Variants in CNTNAP2 observed in about 807,000 individuals in gnomAD.
The protein encoded by CNTNAP2 is contactin-associated protein-like 2.
In CNTNAP2, 98 loss-of-function variants were observed where a neutral mutation model predicts 155.2. The observed-to-expected ratio is 0.63, with a 90% CI of 0.54 to 0.75. The LOEUF is 0.75. Among genes scored for constraint, CNTNAP2 ranks in the 30% least tolerant of loss-of-function variants. The probability of loss-of-function intolerance (pLI) is 0.00; values close to 1 mark genes in which losing one functional copy is unlikely to be tolerated. For synonymous variants in CNTNAP2, 651 were observed against 631.2 expected (o/e 1.03, Z -0.47); for missense variants, 1,727 against 1,688.1 (o/e 1.02, Z -0.40).
chr7:147,144,118 T>G (rs1801652821), intron 8 of CNTNAP2, among the ~76,000 whole-genome samples: 1 of 152,172 alleles, frequency 6.6e-6, no homozygotes, highest in South Asian at 2.1e-4. Context: ...AGACTGTCCC[T>G]TTATTGTGGG....
chr7:146,487,194 G>T (rs943797460), intron 1 of CNTNAP2, among the ~76,000 whole-genome samples: 3 of 152,138 alleles, frequency 2.0e-5, no homozygotes, highest in African/African-American at 7.2e-5. Context: ...GATTATGATA[G>T]ACTAGAATGC....
chr7:148,285,896 G>T (rs1476035440), intron 21 of CNTNAP2, among the ~76,000 whole-genome samples: 2 of 152,174 alleles, frequency 1.3e-5, no homozygotes, highest in Non-Finnish European at 2.9e-5. Flanking sequence ...GAAACTTACT[G>T]CCAATAGCTT....
At chr7:148,382,596 G>A (rs970375434) in intron 21 of CNTNAP2, among the ~76,000 whole-genome samples, 1 of 152,180 alleles carries the variant, frequency 6.6e-6, no homozygotes, top group Admixed American at 6.5e-5. Context: ...GAGAGATGCT[G>A]GAGAAGAACA....
At chr7:146,732,019 A>G (rs1801534823) in intron 1 of CNTNAP2, among the ~76,000 whole-genome samples, 1 of 152,168 alleles carries the variant, frequency 6.6e-6, no homozygotes, top group Admixed American at 6.5e-5. Flanking sequence ...AATTATTCCC[A>G]GCGAGTACCT....
chr7:146,204,086 GC>G, intron 1 of CNTNAP2, among the ~76,000 whole-genome samples: 3 of 151,902 alleles, frequency 2.0e-5, no homozygotes, highest in Non-Finnish European at 4.4e-5. Flanking sequence ...CTTCCTTTCA[GC>G]TAAATAAAAT....
chr7:146,893,588 G>A (rs1292884680), intron 3 of CNTNAP2, among the ~76,000 whole-genome samples: 2 of 152,106 alleles, frequency 1.3e-5, no homozygotes, highest in Middle Eastern at 3.4e-3. Context: ...TTCTAAGTGG[G>A]TAGAATAGAT....
chr7:146,955,730 T>C (rs1157663347), intron 3 of CNTNAP2, among the ~76,000 whole-genome samples: 1 of 152,054 alleles, frequency 6.6e-6, no homozygotes, highest in Non-Finnish European at 1.5e-5. Flanking sequence ...AAGAGATGTA[T>C]GAAAATTACA....
intron 1 of CNTNAP2, among the ~76,000 whole-genome samples, chr7:146,438,984 A>G (rs1796281916): frequency 6.6e-6 from 1 of 151,472 alleles, no homozygotes; most frequent in Non-Finnish European, 1.5e-5. Flanking sequence ...TTTCTTTTCT[A>G]ATTTATTCAT....
intron 1 of CNTNAP2, among the ~76,000 whole-genome samples, chr7:146,756,472 G>A (rs1030835660): frequency 5.9e-5 from 9 of 152,012 alleles, no homozygotes; most frequent in African/African-American, 2.2e-4. Flanking sequence ...GCACTTGATA[G>A]TATATGGTAG....
intron 8 of CNTNAP2, among the ~76,000 whole-genome samples, chr7:147,173,558 C>T (rs1310981713): frequency 6.6e-6 from 1 of 152,156 alleles, no homozygotes; most frequent in Non-Finnish European, 1.5e-5. Flanking sequence ...CTGGCATAGA[C>T]ACCTGTTAGT....
At chr7:147,529,350 A>C (rs4726883) in intron 11 of CNTNAP2, among the ~76,000 whole-genome samples, 30,626 of 151,946 alleles carry the variant, frequency 0.2, 3,287 homozygotes, top group Admixed American at 0.26. Flanking sequence ...TCCTTTTCTC[A>C]TTCCTTCCAT....
chr7:148,393,950 ATATAT>A (rs1400833028), intron 22 of CNTNAP2, among the ~76,000 whole-genome samples: 1 of 151,618 alleles, frequency 6.6e-6, no homozygotes, highest in Non-Finnish European at 1.5e-5. Context: ...AGTATTCTTA[ATATAT>A]TAAGTAAATT....
intron 1 of CNTNAP2, among the ~76,000 whole-genome samples, chr7:146,693,605 C>T (rs1357678967): frequency 6.6e-6 from 1 of 152,064 alleles, no homozygotes; most frequent in Non-Finnish European, 1.5e-5. Flanking sequence ...AGTAATCTCC[C>T]CTCCCTGGGT....
At chr7:146,649,514 G>T (rs1208418236) in intron 1 of CNTNAP2, among the ~76,000 whole-genome samples, 1 of 152,042 alleles carries the variant, frequency 6.6e-6, no homozygotes, top group East Asian at 1.9e-4. Flanking sequence ...TTTCACTGCT[G>T]TTTTTAAATT....
chr7:147,627,691 C>CAAAA (rs138424007), intron 12 of CNTNAP2, among the ~76,000 whole-genome samples: 15 of 71,712 alleles, frequency 2.1e-4, no homozygotes, highest in African/African-American at 5.3e-4. Context: ...GACTCTGTCT[C>CAAAA]AAAAAAAAAA....
intron 20 of CNTNAP2, among the ~76,000 whole-genome samples, chr7:148,255,836 C>A (rs968138094): frequency 1.3e-5 from 2 of 152,164 alleles, no homozygotes; most frequent in African/African-American, 4.8e-5. Context: ...CTTTCTCTCT[C>A]GAGCCTTAAG....
intron 8 of CNTNAP2, among the ~76,000 whole-genome samples, chr7:147,225,289 G>A (rs1803495234): frequency 6.6e-6 from 1 of 152,064 alleles, no homozygotes; most frequent in Non-Finnish European, 1.5e-5. Context: ...TAGCTGAACT[G>A]GAAATGTTTT....
At chr7:147,722,884 C>G (rs546485786) in intron 13 of CNTNAP2, among the ~76,000 whole-genome samples, 12 of 152,068 alleles carry the variant, frequency 7.9e-5, no homozygotes, top group Non-Finnish European at 1.6e-4. Context: ...AGATCTTCTG[C>G]AAGTCTAAAA....
chr7:147,694,372 A>G lies in CNTNAP2; in HGVS notation c.2098+55066A>G, dbSNP rs573308888. On this transcript the variant is annotated intron_variant, in intron 13 of 23. Transcript: ENST00000361727. ...TATTCCTCAAAGTATGAGTTAGGAC[A>G]TATTCTCTCTGCTTCTACCTTCTAG... 4.6e-5 allele frequency among the ~76,000 whole-genome samples: 7 copies of G among 152,210 alleles called. No individual in the cohort carries two copies. In the South Asian group the frequency reaches 1.2e-3, roughly 27 times the overall value.
Sources: allele counts gnomAD v4.1 joint callset (sites outside exome capture counted in the v4.1 genomes callset), GRCh38; gene constraint gnomAD v4.1.1; transcripts MANE v1.5; gene names NCBI Gene and HGNC (gene_info 2026-07-23, HGNC 2026-07-21).